SPEF2: variants seen among roughly 807,000 people sequenced by gnomAD.
The protein encoded by SPEF2 is sperm flagella and cilia-associated protein 2.
Under a neutral mutation model 224.6 loss-of-function variants are expected in SPEF2, and 187 were observed. The observed-to-expected ratio is 0.83, with a 90% CI of 0.74 to 0.94. The LOEUF is 0.94. Ranked by LOEUF, SPEF2 falls within the 40% of genes least tolerant of loss-of-function variation. SPEF2 has a pLI of 0.00. For missense variants in SPEF2, 2,170 were observed against 2,135.6 expected, an observed-to-expected ratio of 1.02 and a Z score of -0.32; for synonymous variants, 715 against 707.3, an observed-to-expected ratio of 1.01 and a Z score of -0.17.
At chr5:35,635,456 T>C (rs1289742981) in intron 2 of SPEF2, among the ~76,000 whole-genome samples, 1 of 152,194 alleles carries the variant, frequency 6.6e-6, no homozygotes, top group East Asian at 1.9e-4. Context: ...GCTTTTATTA[T>C]TGTTTTTGCA....
chr5:35,674,643 T>C (rs1751657537), intron 10 of SPEF2, among the ~76,000 whole-genome samples: 1 of 150,954 alleles, frequency 6.6e-6, no homozygotes, highest in Non-Finnish European at 1.5e-5. Context: ...TTTTTTATCC[T>C]TGCGATAGTT....
chr5:35,713,634 G>A (rs970042548), intron 20 of SPEF2, among the ~76,000 whole-genome samples: 11 of 150,220 alleles, frequency 7.3e-5, no homozygotes, highest in Non-Finnish European at 1.2e-4. Flanking sequence ...TACTCAGGAG[G>A]CTGAGGCAGG....
At chr5:35,750,983 C>CTATATGTGCTA (rs1554048545) in intron 23 of SPEF2, among the ~76,000 whole-genome samples, 2 of 73,936 alleles carry the variant, frequency 2.7e-5, no homozygotes, top group African/African-American at 9.2e-5. Context: ...AGAAACTGTG[C>CTATATGTGCTA]TATATATATA....
chr5:35,733,744 A>G (rs1261590106), intron 21 of SPEF2, among the ~76,000 whole-genome samples: 1 of 152,060 alleles, frequency 6.6e-6, no homozygotes. Context: ...ATGTTGGAAT[A>G]ATTTTCACTA....
intron 34 of SPEF2, among the ~76,000 whole-genome samples, chr5:35,805,687 A>G (rs1757967249): frequency 6.6e-6 from 1 of 152,176 alleles, no homozygotes; most frequent in African/African-American, 2.4e-5. Flanking sequence ...AAGAAGCACA[A>G]AGCAAAGGAA....
chr5:35,747,800 A>G (rs1202365449), intron 23 of SPEF2, among the ~76,000 whole-genome samples: 1 of 152,210 alleles, frequency 6.6e-6, no homozygotes, highest in Non-Finnish European at 1.5e-5. Flanking sequence ...CAACAAGGAA[A>G]CAATGGATTT....
intron 23 of SPEF2, among the ~76,000 whole-genome samples, chr5:35,741,753 G>A (rs146469467): frequency 6.6e-6 from 1 of 152,230 alleles, no homozygotes; most frequent in Non-Finnish European, 1.5e-5. Context: ...TGGTAAAATT[G>A]AAGTATTTTG....
At chr5:35,646,867 C>T (rs959824784) in intron 5 of SPEF2, 60 bp downstream of exon 5, 5 of 1,565,092 alleles carry the variant, frequency 3.2e-6, no homozygotes, top group Non-Finnish European at 4.3e-6. Context: ...TAGTCTGTCT[C>T]TGGAACATAT....
intron 32 of SPEF2, among the ~76,000 whole-genome samples, chr5:35,795,492 C>T (rs948918581): frequency 6.6e-6 from 1 of 151,980 alleles, no homozygotes; most frequent in Non-Finnish European, 1.5e-5. Flanking sequence ...TGAACATAAT[C>T]AAAGATGTAA....
chr5:35,806,512 T>A (rs1758081697), intron 34 of SPEF2, among the ~76,000 whole-genome samples, 195 bp from the exon 35 acceptor site: 1 of 152,226 alleles, frequency 6.6e-6, no homozygotes, highest in Non-Finnish European at 1.5e-5. Context: ...ACACTACAAG[T>A]AAAACTGGTC....
chr5:35,679,939 T>C (rs180683195), intron 10 of SPEF2, among the ~76,000 whole-genome samples: 229 of 152,344 alleles, frequency 1.5e-3, no homozygotes, highest in South Asian at 3.7e-3. Flanking sequence ...ATATAGTCAA[T>C]GTTCTCAAGG....
At chr5:35,804,625 G>C (rs1757843144) in intron 34 of SPEF2, among the ~76,000 whole-genome samples, 1 of 151,978 alleles carries the variant, frequency 6.6e-6, no homozygotes, top group African/African-American at 2.4e-5. Context: ...ATCAAAAATA[G>C]CAAACATGTA....
chr5:35,699,590 G>A (rs917253662), intron 15 of SPEF2: 9 of 152,184 alleles, frequency 5.9e-5, no homozygotes, highest in Non-Finnish European at 1.3e-4. Flanking sequence ...CACAGGCTTG[G>A]GTGGGATAGG....
At chr5:35,746,710 G>C (rs1748589847) in intron 23 of SPEF2, among the ~76,000 whole-genome samples, 1 of 152,074 alleles carries the variant, frequency 6.6e-6, no homozygotes, top group African/African-American at 2.4e-5. Flanking sequence ...TGGTGTTCCT[G>C]AGGAAGAAGA....
At chr5:35,699,412 C>A (rs903024957) in intron 15 of SPEF2, 1 of 152,208 alleles carries the variant, frequency 6.6e-6, no homozygotes. Context: ...CACCCACTCT[C>A]TAAAGAGGAC....
intron 32 of SPEF2, among the ~76,000 whole-genome samples, chr5:35,793,727 AACACACACACAC>A (rs374573342): frequency 6.2e-4 from 63 of 100,886 alleles, no homozygotes; most frequent in South Asian, 5.5e-3. Context: ...CAGTGGTTAA[AACACACACACAC>A]ACACACACAC....
intron 24 of SPEF2, among the ~76,000 whole-genome samples, 184 bp downstream of exon 24, chr5:35,753,945 C>T (rs1461747970): frequency 1.3e-5 from 2 of 152,138 alleles, no homozygotes; most frequent in Non-Finnish European, 2.9e-5. Context: ...TTTGACCCAG[C>T]CCAAATATGC....
In SPEF2 at chr5:35,659,022, G is replaced by T. The variant is rs761943426; in HGVS notation, c.982G>T (p.Ala328Ser). Residue 328 changes from alanine (A) to serine (S), a missense_variant, in exon 8 of 37, where the codon GCT becomes TCT. Transcript: ENST00000356031. ...ATAATTCCCCTGGTGTTTTCAGGAG[G>T]CTTATCGGGAGGAACAGCTGATTAA... ...QLIAHEAQEE[A>S]YREEQLINRL... The T allele has an allele frequency of 1.3e-6, 2 of 1,555,530 alleles. No homozygotes were observed. The highest frequency in any genetic ancestry group is 4.6e-5 in the East Asian group (2 of 43,146).
intron 8 of SPEF2, 34 bp downstream of exon 8, chr5:35,659,241 G>A (rs746861279): frequency 1.1e-5 from 16 of 1,506,166 alleles, no homozygotes; most frequent in African/African-American, 2.8e-5. Context: ...TCTTTCTAAG[G>A]TTACTTTTGT....
Sources: gnomAD v4.1 joint callset for allele counts (sites outside exome capture counted in the v4.1 genomes callset) on GRCh38, gnomAD v4.1.1 for gene constraint, MANE v1.5 for transcripts, NCBI Gene and HGNC (gene_info 2026-07-23, HGNC 2026-07-21) for gene names.